BRINP3: variants seen among roughly 807,000 people sequenced by gnomAD.
BRINP3 encodes BMP/retinoic acid-inducible neural-specific protein 3.
Under a neutral mutation model 71.0 loss-of-function variants are expected in BRINP3, and 19 were observed. The observed-to-expected ratio is 0.27, with a 90% confidence interval of 0.19 to 0.39. The LOEUF is 0.39. BRINP3 is among the 10% of genes least tolerant of loss of function. The probability of loss-of-function intolerance (pLI) is 1.00; values close to 1 mark genes in which losing one functional copy is unlikely to be tolerated. For missense variants in BRINP3, 959 were observed against 940.8 expected (o/e 1.02, Z -0.25); for synonymous variants, 380 against 337.7 (o/e 1.13, Z -1.37).
intron 2 of BRINP3, among the ~76,000 whole-genome samples, chr1:190,316,748 T>C (rs531311172): frequency 6.6e-6 from 1 of 152,246 alleles, no homozygotes; most frequent in African/African-American, 2.4e-5. Context: ...ATCTAAGTCC[T>C]GAAAGAATTG....
intron 2 of BRINP3, among the ~76,000 whole-genome samples, chr1:190,324,908 G>A (rs1281817374): frequency 6.6e-6 from 1 of 151,854 alleles, no homozygotes; most frequent in Admixed American, 6.6e-5. Flanking sequence ...GATTCTCAGA[G>A]GGAGTAAGAG....
chr1:190,278,653 AC>A (rs1295040682), intron 3 of BRINP3, among the ~76,000 whole-genome samples: 1 of 151,600 alleles, frequency 6.6e-6, no homozygotes, highest in African/African-American at 2.4e-5. Flanking sequence ...TAATTCCAGC[AC>A]AAAAAACTAT....
chr1:190,476,234 A>T (rs1298647852), intron 1 of BRINP3, among the ~76,000 whole-genome samples: 1 of 134,182 alleles, frequency 7.5e-6, no homozygotes, highest in East Asian at 2.2e-4. Flanking sequence ...CGACAAGAAT[A>T]GTTATTTCCC....
chr1:190,318,334 T>C (rs969117054), intron 2 of BRINP3, among the ~76,000 whole-genome samples: 8 of 152,282 alleles, frequency 5.3e-5, no homozygotes, highest in Non-Finnish European at 5.9e-5. Context: ...GATTTGATTC[T>C]TTTATTTCTA....
intron 6 of BRINP3, among the ~76,000 whole-genome samples, chr1:190,211,559 T>C (rs1171000005): frequency 6.6e-6 from 1 of 152,140 alleles, no homozygotes; most frequent in Non-Finnish European, 1.5e-5. Flanking sequence ...ATGTATCTTC[T>C]ATATATAGCA....
At chr1:190,127,863 C>T (rs1198506719) in intron 7 of BRINP3, among the ~76,000 whole-genome samples, 5 of 151,692 alleles carry the variant, frequency 3.3e-5, no homozygotes, top group South Asian at 2.1e-4. Flanking sequence ...CATGTTACAT[C>T]GCTGAAAACC....
intron 6 of BRINP3, among the ~76,000 whole-genome samples, chr1:190,224,464 C>T (rs1657158175): frequency 6.6e-6 from 1 of 151,676 alleles, no homozygotes; most frequent in African/African-American, 2.4e-5. Flanking sequence ...TATCTCTCAC[C>T]ATACACAAAA....
At chr1:190,439,030 T>C (rs967258679) in intron 2 of BRINP3, among the ~76,000 whole-genome samples, 7 of 151,956 alleles carry the variant, frequency 4.6e-5, no homozygotes, top group African/African-American at 1.4e-4. Context: ...GATTTAAGTT[T>C]ATTCTTTCTA....
chr1:190,248,291 T>C (rs1433387604), intron 4 of BRINP3, among the ~76,000 whole-genome samples: 1 of 151,754 alleles, frequency 6.6e-6, no homozygotes, highest in Non-Finnish European at 1.5e-5. Context: ...ATTGATTTAG[T>C]CAAGTTGCTA....
intron 2 of BRINP3, among the ~76,000 whole-genome samples, chr1:190,442,462 G>C (rs1674890199): frequency 6.6e-6 from 1 of 152,068 alleles, no homozygotes; most frequent in Admixed American, 6.6e-5. Flanking sequence ...ATCACAATAA[G>C]GATATGCAAA....
intron 6 of BRINP3, among the ~76,000 whole-genome samples, chr1:190,212,262 A>T (rs931386783): frequency 2.0e-5 from 3 of 152,102 alleles, no homozygotes; most frequent in Admixed American, 2.0e-4. Flanking sequence ...AGTCTAAATA[A>T]AGTTACTGAA....
chr1:190,280,481 G>A (rs112764196), intron 3 of BRINP3, among the ~76,000 whole-genome samples: 80 of 151,968 alleles, frequency 5.3e-4, no homozygotes, highest in African/African-American at 1.8e-3. Context: ...AAATGATGAT[G>A]TCTTGGTCTA....
At position 190,405,943 on chromosome 1, in the gene BRINP3, A is replaced by G. The variant is rs145562610; in HGVS notation, c.236+48712T>C. On this transcript the variant is annotated intron_variant, in intron 2 of 7. Coordinates refer to ENST00000367462, the MANE Select transcript of BRINP3 (RefSeq NM_199051.3). Reference sequence around the variant, plus strand: ...CTGAGCAGAATGGTACAGAATGCTTAGTAATATTCAACAAATTCCTGGTGA... The same window carrying G: ...CTGAGCAGAATGGTACAGAATGCTTGGTAATATTCAACAAATTCCTGGTGA... 3.4e-4 allele frequency among the ~76,000 whole-genome samples: 52 copies of G among 152,364 alleles called. 1 individual carries two copies. The Middle Eastern group carries it at 0.014, about 40-fold the overall frequency.
At chr1:190,167,067 G>A (rs1405024998) in intron 6 of BRINP3, among the ~76,000 whole-genome samples, 1 of 151,848 alleles carries the variant, frequency 6.6e-6, no homozygotes, top group Non-Finnish European at 1.5e-5. Context: ...CACATGAGTA[G>A]GTTTCCCTAC....
intron 2 of BRINP3, among the ~76,000 whole-genome samples, chr1:190,297,739 G>A (rs999749678): frequency 1.3e-5 from 2 of 151,334 alleles, no homozygotes; most frequent in African/African-American, 4.9e-5. Flanking sequence ...ACCTGGTCAT[G>A]GCGTAAATTC....
intron 3 of BRINP3, among the ~76,000 whole-genome samples, chr1:190,268,275 T>G (rs188594050): frequency 1.3e-5 from 2 of 152,276 alleles, no homozygotes; most frequent in East Asian, 3.9e-4. Flanking sequence ...ACAATGTTTT[T>G]TCCCATAGAG....
At chr1:190,170,250 GA>G (rs1038495189) in intron 6 of BRINP3, among the ~76,000 whole-genome samples, 100 of 151,396 alleles carry the variant, frequency 6.6e-4, no homozygotes, top group African/African-American at 2.3e-3. Flanking sequence ...ACCTATGAGA[GA>G]AAAAAAATAG....
chr1:190,255,504 G>A (rs774275328), intron 4 of BRINP3, among the ~76,000 whole-genome samples: 3 of 152,078 alleles, frequency 2.0e-5, no homozygotes, highest in Non-Finnish European at 2.9e-5. Flanking sequence ...TCCTGGTTTA[G>A]TCTTGGGAGG....
At chr1:190,223,841 T>C (rs1329835248) in intron 6 of BRINP3, among the ~76,000 whole-genome samples, 1 of 151,688 alleles carries the variant, frequency 6.6e-6, no homozygotes, top group Non-Finnish European at 1.5e-5. Flanking sequence ...CAAAATAAAC[T>C]ACAGAAATCA....
Sources: gnomAD v4.1 joint callset for allele counts (sites outside exome capture counted in the v4.1 genomes callset) on GRCh38, gnomAD v4.1.1 for gene constraint, MANE v1.5 for transcripts, NCBI Gene and HGNC (gene_info 2026-07-23, HGNC 2026-07-21) for gene names.